The following FAM227B variants were observed in gnomAD, a reference collection of about 807,000 sequenced individuals.
FAM227B encodes family with sequence similarity 227 member B.
A neutral mutation model predicts 73.8 loss-of-function variants in FAM227B; 88 were observed. The observed-to-expected ratio is 1.19, with a 90% CI of 1.00 to 1.42. The LOEUF (loss-of-function observed/expected upper bound fraction) is 1.42. Ranked by LOEUF, FAM227B falls within the 40% of genes most tolerant of loss-of-function variation. The pLI is 0.00. For missense variants in FAM227B, 632 were observed against 590.9 expected, an observed-to-expected ratio of 1.07 and a Z score of -0.72; for synonymous variants, 210 against 190.5, an observed-to-expected ratio of 1.10 and a Z score of -0.84.
In FAM227B at chr15:49,354,898, CG is replaced by C. The variant is rs2042865368; in HGVS notation, c.1271+12549del. 3.3e-5 allele frequency among the ~76,000 whole-genome samples: 5 copies of C among 151,806 alleles called. No homozygotes were observed. The South Asian group carries it at 1.0e-3, about 32-fold the overall frequency. The stretch of plus-strand genomic sequence containing the variant: ...CAGCATGCAGCTGGAGATCTGAGAA[CG>C]GGCAGACTGCCTCCTCAAGTGGGTC... On this transcript the variant is annotated intron_variant, in intron 13 of 15. Coordinates refer to ENST00000299338, the MANE Select transcript of FAM227B (RefSeq NM_152647.3).
intron 11 of FAM227B, among the ~76,000 whole-genome samples, chr15:49,431,878 C>A (rs545861767): frequency 2.7e-4 from 41 of 151,616 alleles, no homozygotes; most frequent in African/African-American, 9.6e-4. Flanking sequence ...AAGGAAGAAA[C>A]AAAACCACTA....
chr15:49,516,885 G>A (rs2059413285), intron 10 of FAM227B, among the ~76,000 whole-genome samples: 1 of 152,104 alleles, frequency 6.6e-6, no homozygotes, highest in South Asian at 2.1e-4. Context: ...CTTAAATGTG[G>A]AAGAGAAAGG....
intron 3 of FAM227B, among the ~76,000 whole-genome samples, chr15:49,591,044 G>GTTTTTTTTTTTTTTTTTTTTTT (rs1567655539): frequency 4.3e-5 from 2 of 45,994 alleles, no homozygotes; most frequent in Admixed American, 2.1e-4. Context: ...TTTTTTTTTT[G>GTTTTTTTTTTTTTTTTTTTTTT]ATTTTTTTTT....
intron 10 of FAM227B, among the ~76,000 whole-genome samples, chr15:49,529,361 A>AT: frequency 6.6e-6 from 1 of 151,766 alleles, no homozygotes. Flanking sequence ...AAAATGAACT[A>AT]TTGGGTACTG....
chr15:49,501,855 C>G (rs2058164264), intron 11 of FAM227B, among the ~76,000 whole-genome samples: 1 of 152,232 alleles, frequency 6.6e-6, no homozygotes, highest in African/African-American at 2.4e-5. Flanking sequence ...GGGTCAGGCC[C>G]AGGGACCTGC....
chr15:49,424,915 A>G (rs890222628), intron 11 of FAM227B: 6 of 165,638 alleles, frequency 3.6e-5, no homozygotes, highest in African/African-American at 1.4e-4. Context: ...AAAACTCATT[A>G]AGATATCTAA....
chr15:49,481,486 G>A (rs1316777905), intron 11 of FAM227B, among the ~76,000 whole-genome samples: 3 of 152,190 alleles, frequency 2.0e-5, no homozygotes, highest in Non-Finnish European at 2.9e-5. Context: ...GCCTAGCATA[G>A]AATTGGCTCT....
At chr15:49,437,548 C>A (rs759615680) in intron 11 of FAM227B, among the ~76,000 whole-genome samples, 3 of 151,568 alleles carry the variant, frequency 2.0e-5, no homozygotes, top group Non-Finnish European at 4.4e-5. Flanking sequence ...CTGGGTAAAT[C>A]ATATCTCTGT....
chr15:49,403,700 C>CA (rs201083135), intron 11 of FAM227B, among the ~76,000 whole-genome samples: 222 of 148,842 alleles, frequency 1.5e-3, no homozygotes, highest in African/African-American at 2.9e-3. Context: ...TAATTTTTTT[C>CA]AAAAAAAAAC....
At chr15:49,431,588 T>C (rs1057355909) in intron 11 of FAM227B, among the ~76,000 whole-genome samples, 6 of 151,666 alleles carry the variant, frequency 4.0e-5, no homozygotes, top group Non-Finnish European at 8.9e-5. Context: ...TCCAGTTGCT[T>C]AACTTCCCTC....
At chr15:49,416,962 G>A (rs1203101293) in intron 11 of FAM227B, among the ~76,000 whole-genome samples, 1 of 152,094 alleles carries the variant, frequency 6.6e-6, no homozygotes, top group Admixed American at 6.5e-5. Flanking sequence ...TGGCCACACT[G>A]CCTAAAGCAA....
intron 12 of FAM227B, chr15:49,367,866 G>GAAAAAAAAAAAAAAAAAA (rs34096112): frequency 8.6e-6 from 1 of 116,852 alleles, no homozygotes; most frequent in African/African-American, 3.1e-5. Flanking sequence ...CTTAAGAACA[G>GAAAAAAAAAAAAAAAAAA]AAAAAAAAAA....
chr15:49,508,167 T>C (rs1358489433), intron 11 of FAM227B, 44 bp downstream of exon 11: 16 of 1,560,034 alleles, frequency 1.0e-5, no homozygotes, highest in Non-Finnish European at 1.4e-5. Flanking sequence ...TTAATTGATT[T>C]TTGCTACCTA....
At chr15:49,510,202 T>C (rs1054068727) in intron 10 of FAM227B, among the ~76,000 whole-genome samples, 2 of 152,182 alleles carry the variant, frequency 1.3e-5, no homozygotes, top group Non-Finnish European at 2.9e-5. Flanking sequence ...ACAAGCTAAC[T>C]TTCTATTCTT....
At chr15:49,602,722 G>A (rs1053405217) in intron 3 of FAM227B, among the ~76,000 whole-genome samples, 4 of 152,156 alleles carry the variant, frequency 2.6e-5, no homozygotes, top group African/African-American at 9.7e-5. Context: ...TCTTTGCCCA[G>A]ACCAATGTGC....
intron 11 of FAM227B, among the ~76,000 whole-genome samples, chr15:49,501,321 AG>A (rs903272218): frequency 2.6e-5 from 4 of 152,212 alleles, no homozygotes; most frequent in Non-Finnish European, 5.9e-5. Context: ...TGGGCAGTGA[AG>A]CCCAGGCTGA....
chr15:49,523,578 G>A (rs76840695), intron 10 of FAM227B, among the ~76,000 whole-genome samples: 18 of 152,182 alleles, frequency 1.2e-4, no homozygotes, highest in East Asian at 3.9e-4. Flanking sequence ...AATTGGTACC[G>A]GTATAGTGGG....
intron 11 of FAM227B, among the ~76,000 whole-genome samples, chr15:49,442,395 C>T (rs1264610631): frequency 6.6e-6 from 1 of 151,616 alleles, no homozygotes; most frequent in African/African-American, 2.4e-5. Context: ...TGCTGAGTAC[C>T]TTGTGAGAGT....
intron 10 of FAM227B, among the ~76,000 whole-genome samples, chr15:49,535,218 T>C (rs1179837233): frequency 1.3e-5 from 2 of 151,134 alleles, no homozygotes; most frequent in Non-Finnish European, 3.0e-5. Context: ...TTCAAATAAA[T>C]ACAATAAAAA....
Sources: gnomAD v4.1 joint callset for allele counts (sites outside exome capture counted in the v4.1 genomes callset) on GRCh38, gnomAD v4.1.1 for gene constraint, MANE v1.5 for transcripts, NCBI Gene and HGNC (gene_info 2026-07-23, HGNC 2026-07-21) for gene names.